The following ZNF462 variants were observed in gnomAD, a reference collection of about 807,000 sequenced individuals.
The protein encoded by ZNF462 is zinc finger PBX1-interacting protein.
ZNF462 carries 10 observed loss-of-function variants against 201.9 expected under a neutral mutation model. The observed-to-expected ratio is 0.05, with a 90% CI of 0.03 to 0.08. The LOEUF (loss-of-function observed/expected upper bound fraction) is 0.08, where lower values mean the gene tolerates loss of function less well. ZNF462 is among the 10% of genes least tolerant of loss of function. The pLI, the probability that ZNF462 is intolerant of heterozygous loss-of-function variation, is 1.00. For synonymous variants in ZNF462, 1,227 were observed against 1,193.3 expected, an observed-to-expected ratio of 1.03 and a Z score of -0.58; for missense variants, 2,523 against 3,168.3, an observed-to-expected ratio of 0.80 and a Z score of 4.89.
intron 1 of ZNF462, among the ~76,000 whole-genome samples, chr9:106,864,045 T>C (rs7858107): frequency 3.2e-4 from 10 of 31,620 alleles, no homozygotes; most frequent in Admixed American, 5.2e-4. Flanking sequence ...TTTGGCTCTC[T>C]CTCTCTCTCT....
chr9:107,003,782 T>C lies in ZNF462; in HGVS notation c.7189+356T>C, dbSNP rs376051000. Among the ~76,000 whole-genome samples the C allele has an allele frequency of 7.3e-4, 111 of 152,256 alleles. 3 individuals are homozygous for C. The highest frequency in any genetic ancestry group is 2.6e-3 in the African/African-American group (107 of 41,558). ...CTGTAGAGCTCTAGAGGAATGAGAA[T>C]GAACTTCCAGTTGAATGCATATTTA... On this transcript the variant is annotated intron_variant, in intron 11 of 12. Transcript: ENST00000277225. This position sits in a 1 kb window ranked among gnomAD's most constrained non-coding sequence, Gnocchi z 4.4.
At chr9:106,991,851 C>CT (rs1828301320) in intron 10 of ZNF462, among the ~76,000 whole-genome samples, 2 of 146,408 alleles carry the variant, frequency 1.4e-5, no homozygotes, top group African/African-American at 5.0e-5. Context: ...CACACACACA[C>CT]ACACACACAC....
intron 1 of ZNF462, among the ~76,000 whole-genome samples, chr9:106,910,362 GTTTTTTTTT>G (rs1011376719): frequency 3.1e-5 from 2 of 64,806 alleles, no homozygotes; most frequent in Admixed American, 1.7e-4. Context: ...CCTTGTTTTA[GTTTTTTTTT>G]TTTTTTTTTT....
At chr9:106,914,193 G>C (rs1010345192) in intron 1 of ZNF462, among the ~76,000 whole-genome samples, 3 of 150,882 alleles carry the variant, frequency 2.0e-5, no homozygotes, top group African/African-American at 7.3e-5. Context: ...GACCCTCTAA[G>C]GATCCAGAGA....
chr9:106,929,842 C>A lies in ZNF462; in HGVS notation c.5847+83C>A. 1.6e-6 allele frequency: 2 copies of A among 1,257,906 alleles called. No homozygotes were observed. Among genetic ancestry groups the A allele is most frequent in the Non-Finnish European group, 2.2e-6 (2 of 901,664 alleles). 77.9% of individuals were successfully genotyped at this position (1,257,906 alleles called of 1,614,324 possible). ...ATGCACTTCTTCGTTGCCAGCCAAA[C>A]TGCTGCAGGCTTCCTAGTGACTTAG... is the stretch of plus-strand genomic sequence containing the variant. On this transcript the variant is annotated intron_variant, in intron 3 of 12. Transcript: ENST00000277225. This position sits in a 1 kb window ranked among gnomAD's most constrained non-coding sequence, Gnocchi z 8.7.
chr9:106,908,795 T>C (rs1168161744), intron 1 of ZNF462, among the ~76,000 whole-genome samples: 1 of 149,844 alleles, frequency 6.7e-6, no homozygotes, highest in East Asian at 1.9e-4. Flanking sequence ...TTATTTTTAT[T>C]ACTGATTAAA....
chr9:106,888,153 C>T (rs1332850532), intron 1 of ZNF462, among the ~76,000 whole-genome samples: 3 of 152,036 alleles, frequency 2.0e-5, no homozygotes, highest in Admixed American at 1.3e-4. Flanking sequence ...GCCGTTCTCC[C>T]GCCTCAGCCT....
At chr9:106,996,691 G>T (rs1828758592) in intron 10 of ZNF462, among the ~76,000 whole-genome samples, 1 of 152,098 alleles carries the variant, frequency 6.6e-6, no homozygotes, top group Non-Finnish European at 1.5e-5. Flanking sequence ...ATTTGTTTAA[G>T]TTCTTTGTAG....
chr9:106,936,749 T>C (rs1381894778), intron 6 of ZNF462, among the ~76,000 whole-genome samples: 1 of 152,210 alleles, frequency 6.6e-6, no homozygotes, highest in Admixed American at 6.5e-5. Context: ...GCCTTAGCCT[T>C]GTCAAAAGCA....
rs144172641 is a variant in ZNF462 at position 106,959,979 on chromosome 9, G to A, written c.6428-12026G>A. Among the ~76,000 whole-genome samples, 1,151 of 152,138 alleles carry A rather than the reference G, an allele frequency of 7.6e-3. 11 individuals are homozygous for A. Among genetic ancestry groups the A allele is most frequent in the Admixed American group, 0.013 (198 of 15,274 alleles). On this transcript the variant is annotated intron_variant, in intron 7 of 12. Transcript: ENST00000277225. ...TTAAAAATATAGCTTAACCTAGAGC[G>A]AGGATTTTCTTACACTGCATGGAAA...
Position 106,932,684 on chromosome 9 carries a change from C to A in ZNF462, c.6116+135C>A, listed in dbSNP as rs1050272796. On this transcript the variant is annotated intron_variant, in intron 5 of 12. Coordinates refer to ENST00000277225, the MANE Select transcript of ZNF462 (RefSeq NM_021224.6). The surrounding 1 kb of genome is among the most constrained non-coding windows in gnomAD (Gnocchi z 6.8). ...ACACCTGCTGCTATGTTACCTGGAG[C>A]CTCAGTCACCTTTTCTGTAAAATGG... 2 of 1,103,560 alleles carry A rather than the reference C, an allele frequency of 1.8e-6. No homozygotes were observed. The highest frequency in any genetic ancestry group is 2.6e-6 in the Non-Finnish European group (2 of 771,858). 68.4% of individuals were successfully genotyped at this position (1,103,560 alleles called of 1,614,324 possible). A position where few individuals can be genotyped will look rare whatever the true frequency, so the allele number is the denominator to read the frequency against.
chr9:106,887,753 T>C (rs1364113531), intron 1 of ZNF462, among the ~76,000 whole-genome samples: 1 of 152,216 alleles, frequency 6.6e-6, no homozygotes, highest in Admixed American at 6.5e-5. Context: ...CGTTGCAACA[T>C]ACTAGAATCT....
Position 106,864,107 on chromosome 9 carries a change from T to TCTCC in ZNF462, c.-31+756_-31+759dup, listed in dbSNP as rs1564062903. Among the ~76,000 whole-genome samples, 898 of 100,298 alleles carry TCTCC rather than the reference T, an allele frequency of 9.0e-3. 116 individuals are homozygous for TCTCC. Among genetic ancestry groups the TCTCC allele is most frequent in the East Asian group, 0.013 (43 of 3,420 alleles). 65.8% of individuals were successfully genotyped at this position (100,298 alleles called of 152,430 possible). ...CTCTCTCTCTCTCTCTCTCTCTCTC[T>TCTCC]CTCCCTCTCCCCGAAGTTGGGATGC... On this transcript the variant is annotated intron_variant, in intron 1 of 12. Coordinates refer to ENST00000277225, the MANE Select transcript of ZNF462 (RefSeq NM_021224.6).
chr9:106,929,569 G>C lies in ZNF462; in HGVS notation c.5657G>C (p.Arg1886Pro), dbSNP rs373911531. The C allele has an allele frequency of 1.2e-6, 2 of 1,614,164 alleles. No individual in the cohort carries two copies. The highest frequency in any genetic ancestry group is 1.7e-6 in the Non-Finnish European group (2 of 1,180,034). ...RDFIILGNGPRLQNSTYQCKH... is the reference protein window; with the variant it reads ...RDFIILGNGPPLQNSTYQCKH... ...TTCATCATTCTGGGCAACGGCCCCC[G>C]CTTGCAGAACTCCACCTACCAGTGT... Residue 1886 changes from arginine to proline, a missense_variant, in exon 3 of 13, where the codon CGC (arginine) becomes CCC (proline). Around this residue, in one of 15 missense-constraint regions of ZNF462, gnomAD observed 207 missense variants for 231.6 expected, o/e 0.89. Transcript: ENST00000277225. This position sits in a 1 kb window ranked among gnomAD's most constrained non-coding sequence, Gnocchi z 8.7.
rs1337847079 is a variant in ZNF462, at chr9:106,873,059, C to T, written c.-31+9704C>T. Among the ~76,000 whole-genome samples, 3 of 152,158 alleles carry T rather than the reference C, an allele frequency of 2.0e-5. No individual in the cohort carries two copies. The East Asian group carries it at 5.8e-4, about 29-fold the overall frequency. ...CTGCCTCCAGAGGCCTGGCTCTCAG[C>T]TGATGGGACCCGGCCTTGGTTATTA... On this transcript the variant is annotated intron_variant, in intron 1 of 12. Transcript: ENST00000277225.
At position 106,932,847 on chromosome 9, in the gene ZNF462, A is replaced by G. The variant is rs1435855629; in HGVS notation, c.6116+298A>G. On this transcript the variant is annotated intron_variant, in intron 5 of 12. Transcript: ENST00000277225. This position sits in a 1 kb window ranked among gnomAD's most constrained non-coding sequence, Gnocchi z 6.8. Reference sequence around the variant, plus strand: ...GGAGAGTAGATGAGTCTCCTGATTCATCGTTCAAACATTCAGCCAAAATCT... The same window carrying G: ...GGAGAGTAGATGAGTCTCCTGATTCGTCGTTCAAACATTCAGCCAAAATCT... The G allele has an allele frequency of 2.0e-6, 1 of 499,532 alleles. No individual in the cohort carries two copies. Among genetic ancestry groups the G allele is most frequent in the Non-Finnish European group, 3.5e-6 (1 of 283,142 alleles). The allele number at this position is 499,532 out of a possible 1,614,324, so 30.9% of individuals were successfully genotyped here.
intron 11 of ZNF462, among the ~76,000 whole-genome samples, chr9:107,007,461 A>G (rs1222141921): frequency 1.3e-5 from 2 of 152,186 alleles, no homozygotes; most frequent in Non-Finnish European, 2.9e-5. Flanking sequence ...GCTTTACCAC[A>G]TGGGGGAACA....
chr9:106,929,716 A>G lies in ZNF462; in HGVS notation c.5804A>G (p.Gln1935Arg). 1 of 1,614,120 alleles carries G rather than the reference A, an allele frequency of 6.2e-7. No individual in the cohort carries two copies. Among genetic ancestry groups the G allele is most frequent in the Non-Finnish European group, 8.5e-7 (1 of 1,180,008 alleles). ...QERRKQLLSKQKYADGAFADF... is the reference protein window; with the variant it reads ...QERRKQLLSKRKYADGAFADF... ...AGGAGGAAACAGCTTTTGAGCAAGC[A>G]GAAATATGCAGATGGTGCTTTTGCA... The change falls in exon 3 of 13, where the codon CAG (glutamine) becomes CGG (arginine). Residue 1935 changes from glutamine to arginine, a missense_variant. Physicochemically the swap from Gln to Arg is conservative, Grantham distance 43. Around this residue, in one of 15 missense-constraint regions of ZNF462, gnomAD observed 107 missense variants for 187.7 expected, o/e 0.57. Coordinates refer to ENST00000277225, the MANE Select transcript of ZNF462 (RefSeq NM_021224.6). This position sits in a 1 kb window ranked among gnomAD's most constrained non-coding sequence, Gnocchi z 8.7.
intron 10 of ZNF462, among the ~76,000 whole-genome samples, chr9:107,001,214 C>A (rs1478069164): frequency 1.3e-5 from 2 of 152,166 alleles, no homozygotes; most frequent in African/African-American, 2.4e-5. Context: ...ACCTTGCCCA[C>A]TTTTCCTGAA....
Sources: gnomAD v4.1 joint callset for allele counts (sites outside exome capture counted in the v4.1 genomes callset) on GRCh38, gnomAD v4.1.1 for gene constraint, gnomAD v4.1.1 regional missense constraint, Gnocchi (gnomAD v3.1) non-coding constraint, MANE v1.5 for transcripts, NCBI Gene and HGNC (gene_info 2026-07-23, HGNC 2026-07-21) for gene names.